TENM1: variants seen among roughly 807,000 people sequenced by gnomAD.
The protein encoded by TENM1 is teneurin transmembrane protein 1, also known as teneurin-1.
Under a neutral mutation model 174.8 loss-of-function variants are expected in TENM1, and 35 were observed. The ratio of observed to expected loss-of-function variants is 0.20; its 90% CI spans 0.15 to 0.27. The LOEUF is 0.27. Among genes scored for constraint, TENM1 ranks in the 10% least tolerant of loss-of-function variants. The pLI is 1.00. For synonymous variants in TENM1, 781 were observed against 798.7 expected (o/e 0.98, Z 0.37); for missense variants, 1,633 against 2,130.1 (o/e 0.77, Z 4.59).
the TENM1 span, among the ~76,000 whole-genome samples, chrX:125,058,856 A>G: frequency 0.17 from 19,114 of 110,026 alleles, 1,339 homozygotes; most frequent in Admixed American, 0.32. Context: ...TGTATACATT[A>G]CTTTTTAAGA....
At chrX:124,671,301 GA>G (rs1422937629) in intron 6 of TENM1, among the ~76,000 whole-genome samples, 1 of 110,915 alleles carries the variant, frequency 9.0e-6, no homozygotes, top group Non-Finnish European at 1.9e-5. Context: ...ACAAACAGAA[GA>G]AATTTCCATA....
intron 1 of TENM1, among the ~76,000 whole-genome samples, chrX:124,929,385 G>A (rs1185385237): frequency 2.7e-5 from 3 of 112,166 alleles, no homozygotes; most frequent in East Asian, 5.6e-4. Flanking sequence ...TAGGCATATG[G>A]TTAAGGCATA....
intron 8 of TENM1, among the ~76,000 whole-genome samples, chrX:124,648,653 C>T (rs2051220770): frequency 8.9e-6 from 1 of 112,097 alleles, no homozygotes; most frequent in African/African-American, 3.2e-5. Context: ...TATCTGTTTT[C>T]TACTTATCTA....
chrX:125,001,978 C>A, the TENM1 span, among the ~76,000 whole-genome samples: 1 of 96,790 alleles, frequency 1.0e-5, no homozygotes, highest in Non-Finnish European at 2.0e-5. Context: ...CACACAAGAT[C>A]AAGTCAGGTC....
chrX:124,804,939 A>T (rs950443005), intron 3 of TENM1, among the ~76,000 whole-genome samples: 8 of 111,950 alleles, frequency 7.1e-5, no homozygotes, highest in Non-Finnish European at 1.1e-4. Flanking sequence ...ACAAAAAAAA[A>T]TTGCAAAATG....
intron 3 of TENM1, among the ~76,000 whole-genome samples, chrX:124,829,904 T>G (rs2147325959): frequency 8.9e-6 from 1 of 112,221 alleles, no homozygotes; most frequent in South Asian, 3.7e-4. Context: ...TCATAAATAT[T>G]TATTCATTGT....
chrX:124,990,250 A>C, the TENM1 span, among the ~76,000 whole-genome samples: 1 of 111,320 alleles, frequency 9.0e-6, no homozygotes. Context: ...AACTACATTC[A>C]GTGTGGCATA....
chrX:124,399,202 T>G (rs958489522), intron 27 of TENM1, among the ~76,000 whole-genome samples: 1 of 111,974 alleles, frequency 8.9e-6, no homozygotes, highest in Non-Finnish European at 1.9e-5. Context: ...CTGTGTGACC[T>G]CTCTGTGCCT....
chrX:124,382,640 C>G, intron 31 of TENM1, 30 bp downstream of exon 34: 1 of 1,192,832 alleles, frequency 8.4e-7, no homozygotes, highest in Non-Finnish European at 1.1e-6. Flanking sequence ...GTTGTTTCAG[C>G]TAAAAGGAGG....
intron 4 of TENM1, among the ~76,000 whole-genome samples, chrX:124,734,474 A>ATAAG (rs2053627925): frequency 1.8e-5 from 2 of 110,654 alleles, no homozygotes; most frequent in African/African-American, 6.6e-5. Context: ...AAATAAATAA[A>ATAAG]TAAATAAATA....
In TENM1 at chrX:124,711,493, C is replaced by T. The variant is rs964247063; in HGVS notation, c.777-6242G>A. ...ACATCTTGTAAACATTCTTATGAGA[C>T]GCATATCTATACCTATATTCCCTTA... On this transcript the variant is annotated intron_variant, in intron 4 of 31. Coordinates refer to ENST00000422452, the Ensembl canonical transcript of TENM1. Among the ~76,000 whole-genome samples, 22 of 111,178 alleles carry T rather than the reference C, an allele frequency of 2.0e-4. 1 individual carries two copies. The highest frequency in any genetic ancestry group is 3.8e-4 in the South Asian group (1 of 2,659).
chrX:124,966,860 C>T (rs952740823), upstream of TENM1, among the ~76,000 whole-genome samples: 50 of 111,632 alleles, frequency 4.5e-4, no homozygotes, highest in African/African-American at 1.5e-3. Context: ...TCAGAAAAAG[C>T]ATAGTACCTT....
At chrX:125,193,462 C>A in the TENM1 span, among the ~76,000 whole-genome samples, 1 of 111,826 alleles carries the variant, frequency 8.9e-6, no homozygotes, top group East Asian at 2.8e-4. Flanking sequence ...ACCAAAGGAT[C>A]CTCCTGCCTC....
intron 3 of TENM1, among the ~76,000 whole-genome samples, chrX:124,744,727 G>T (rs1397677563): frequency 8.9e-6 from 1 of 111,794 alleles, no homozygotes; most frequent in Non-Finnish European, 1.9e-5. Flanking sequence ...TTTGCAGGTA[G>T]GTAATGGAGG....
intron 11 of TENM1, among the ~76,000 whole-genome samples, chrX:124,634,178 A>T (rs928821256): frequency 8.9e-6 from 1 of 111,969 alleles, no homozygotes; most frequent in African/African-American, 3.2e-5. Context: ...TCCACTAAAA[A>T]GCACTATAAA....
At chrX:125,181,631 A>G in the TENM1 span, among the ~76,000 whole-genome samples, 2 of 111,627 alleles carry the variant, frequency 1.8e-5, no homozygotes, top group Non-Finnish European at 3.8e-5. Context: ...TTATCAACAA[A>G]CCTTGTATCC....
At chrX:125,010,134 T>C in the TENM1 span, among the ~76,000 whole-genome samples, 2 of 111,477 alleles carry the variant, frequency 1.8e-5, no homozygotes, top group Admixed American at 1.9e-4. Context: ...AACCCCATCA[T>C]CTCAGCTTCA....
intron 3 of TENM1, among the ~76,000 whole-genome samples, chrX:124,800,368 A>G (rs1044320243): frequency 9.0e-6 from 1 of 111,349 alleles, no homozygotes; most frequent in Non-Finnish European, 1.9e-5. Context: ...CATTTCTTAT[A>G]AATTTTCTAG....
the TENM1 span, among the ~76,000 whole-genome samples, chrX:124,988,617 A>G: frequency 3.5e-3 from 391 of 111,698 alleles, 3 homozygotes; most frequent in Admixed American, 8.5e-3. Context: ...TTGTATACCA[A>G]TATCTGTCAT....
Sources: gnomAD v4.1 joint callset for allele counts (sites outside exome capture counted in the v4.1 genomes callset) on GRCh38, gnomAD v4.1.1 for gene constraint, MANE v1.5 for transcripts, NCBI Gene and HGNC (gene_info 2026-07-23, HGNC 2026-07-21) for gene names.